Variants in FAM178B observed in about 807,000 individuals in gnomAD.
FAM178B encodes the protein protein FAM178B.
A neutral mutation model predicts 91.7 loss-of-function variants in FAM178B; 82 were observed. The ratio of observed to expected loss-of-function variants is 0.89; its 90% confidence interval spans 0.75 to 1.07. The LOEUF (loss-of-function observed/expected upper bound fraction) is 1.07. Among genes scored for constraint, FAM178B ranks in the 50% least tolerant of loss-of-function variants. FAM178B has a pLI of 0.00. For synonymous variants in FAM178B, 368 were observed against 359.4 expected, an observed-to-expected ratio of 1.02 and a Z score of -0.27; for missense variants, 769 against 846.7, an observed-to-expected ratio of 0.91 and a Z score of 1.14.
intron 14 of FAM178B, among the ~76,000 whole-genome samples, chr2:96,886,248 C>G (rs972747581): frequency 1.3e-5 from 2 of 152,202 alleles, no homozygotes; most frequent in Admixed American, 1.3e-4. Context: ...AGCCCTGACT[C>G]GAGGGGTGAA....
At chr2:96,955,899 G>A (rs2081993064) in intron 6 of FAM178B, among the ~76,000 whole-genome samples, 2 of 152,212 alleles carry the variant, frequency 1.3e-5, no homozygotes, top group Admixed American at 1.3e-4. Flanking sequence ...GGCAAAACAA[G>A]AGGCGGGGCT....
chr2:96,967,688 C>G, intron 4 of FAM178B, 61 bp from the exon 5 acceptor site: 1 of 1,181,220 alleles, frequency 8.5e-7, no homozygotes, highest in Non-Finnish European at 1.2e-6. Context: ...GCAACCCTGT[C>G]ACTGGGCTGC....
At chr2:96,924,811 T>C (rs941870818) in intron 9 of FAM178B, among the ~76,000 whole-genome samples, 1 of 152,204 alleles carries the variant, frequency 6.6e-6, no homozygotes, top group Admixed American at 6.5e-5. Flanking sequence ...ACACTGCTGA[T>C]GACAGCAGGC....
intron 9 of FAM178B, among the ~76,000 whole-genome samples, chr2:96,927,812 A>G (rs2081469448): frequency 6.6e-6 from 1 of 152,200 alleles, no homozygotes; most frequent in African/African-American, 2.4e-5. Context: ...AGGAGGACAC[A>G]GGGACACTCA....
chr2:96,936,357 A>G (rs1394574748), intron 8 of FAM178B, among the ~76,000 whole-genome samples: 2 of 115,354 alleles, frequency 1.7e-5, no homozygotes, highest in Non-Finnish European at 4.6e-5. Flanking sequence ...GCCCGCCACC[A>G]CGCCCGGCTA....
In FAM178B at chr2:96,964,180, T is replaced by C. The variant is rs575427249; in HGVS notation, c.734+3340A>G. On this transcript the variant is annotated intron_variant, in intron 5 of 16. Transcript: ENST00000490605. ...GTGAGACTCCATCTTGGGGGAAAAA[T>C]AAAATAAAAGAGAGAGATGATTATC... Among the ~76,000 whole-genome samples the C allele has an allele frequency of 7.0e-5, 10 of 142,260 alleles. No individual in the cohort carries two copies. The South Asian group carries it at 9.2e-4, about 13-fold the overall frequency. 93.3% of individuals were successfully genotyped at this position (142,260 alleles called of 152,430 possible).
chr2:96,900,220 C>G (rs184157139), intron 13 of FAM178B, among the ~76,000 whole-genome samples: 2 of 152,300 alleles, frequency 1.3e-5, no homozygotes, highest in South Asian at 4.1e-4. Flanking sequence ...TTGTGCTCCC[C>G]CCTGCCTCTA....
At chr2:96,947,709 A>T (rs756844943) in intron 8 of FAM178B, 109 bp downstream of exon 8, 257 of 648,716 alleles carry the variant, frequency 4.0e-4, no homozygotes, top group Non-Finnish European at 5.9e-4. Flanking sequence ...CCCTGGATGC[A>T]ATGTCCCACC....
Position 96,886,641 on chromosome 2 carries a change from G to A in FAM178B, c.1776+7285C>T, listed in dbSNP as rs76434665. ...TTCCAGGATTTGTGTTTGTGTTTCCGTCACTAAAAACTCCTGGCAAAGACA... is the reference window on the plus strand; with the variant it reads ...TTCCAGGATTTGTGTTTGTGTTTCCATCACTAAAAACTCCTGGCAAAGACA... On this transcript the variant is annotated intron_variant, in intron 14 of 16. Coordinates refer to ENST00000490605, the MANE Select transcript of FAM178B (RefSeq NM_001122646.3). Among the ~76,000 whole-genome samples the A allele has an allele frequency of 4.0e-3, 604 of 152,294 alleles. 14 individuals are homozygous for A. The East Asian group carries it at 0.047, about 12-fold the overall frequency.
intron 14 of FAM178B, among the ~76,000 whole-genome samples, chr2:96,887,475 C>A (rs2080555311): frequency 6.6e-6 from 1 of 152,200 alleles, no homozygotes; most frequent in African/African-American, 2.4e-5. Flanking sequence ...TGTAAACAAG[C>A]CACGGGTTGA....
At chr2:96,905,677 C>T (rs897716872) in intron 12 of FAM178B, among the ~76,000 whole-genome samples, 15 of 149,938 alleles carry the variant, frequency 1.0e-4, no homozygotes, top group Non-Finnish European at 4.4e-5. Flanking sequence ...TGGCTCATGC[C>T]TGTAATCCCA....
In FAM178B at chr2:96,986,535, T is replaced by C. The variant is rs2153376829; in HGVS notation, c.-222A>G. 2 of 566,954 alleles carry C rather than the reference T, an allele frequency of 3.5e-6. No individual in the cohort carries two copies. Among genetic ancestry groups the C allele is most frequent in the Non-Finnish European group, 6.0e-6 (2 of 331,488 alleles). The allele number at this position is 566,954 out of a possible 1,614,324, so 35.1% of individuals were successfully genotyped here. A position where few individuals can be genotyped will look rare whatever the true frequency, so the allele number is the denominator to read the frequency against. On this transcript the variant is annotated 5_prime_UTR_variant, in exon 1 of 17. Transcript: ENST00000490605. The stretch of plus-strand genomic sequence containing the variant: ...TCCGACTCCAAACCAAGCGGCCAGC[T>C]CACAGCCGCCGCCGCCGCCAGCTGG...
At chr2:96,922,955 T>G (rs2081368074) in intron 10 of FAM178B, among the ~76,000 whole-genome samples, 1 of 151,786 alleles carries the variant, frequency 6.6e-6, no homozygotes, top group African/African-American at 2.4e-5. Flanking sequence ...ATTACAGGCA[T>G]GAGCCACTGC....
At chr2:96,899,160 C>A (rs1188198994) in intron 13 of FAM178B, among the ~76,000 whole-genome samples, 1 of 152,254 alleles carries the variant, frequency 6.6e-6, no homozygotes, top group Non-Finnish European at 1.5e-5. Flanking sequence ...AGGCCCCTGC[C>A]AGTCCTTCCT....
At chr2:96,939,478 A>G (rs1033628578) in intron 8 of FAM178B, among the ~76,000 whole-genome samples, 1 of 152,238 alleles carries the variant, frequency 6.6e-6, no homozygotes, top group Non-Finnish European at 1.5e-5. Context: ...CCTGGGCGAC[A>G]GAGTGAGACT....
rs532824673 is a variant in FAM178B at position 96,970,508 on chromosome 2, CT to C, written c.626+207del. Among the ~76,000 whole-genome samples the C allele has an allele frequency of 1.4e-4, 21 of 152,238 alleles. No individual in the cohort carries two copies. The East Asian group carries it at 3.9e-3, about 28-fold the overall frequency. On this transcript the variant is annotated intron_variant, in intron 4 of 16. Transcript: ENST00000490605. Reference sequence around the variant, plus strand: ...GGAGAGGGGACCCAGAAGGAGGGCTCTGTTCGTGGTGGGAGTCTGGGGGCTC... The same window carrying C: ...GGAGAGGGGACCCAGAAGGAGGGCTCGTTCGTGGTGGGAGTCTGGGGGCTC...
intron 5 of FAM178B, among the ~76,000 whole-genome samples, chr2:96,964,598 C>G (rs1261834951): frequency 1.3e-5 from 2 of 151,406 alleles, no homozygotes; most frequent in African/African-American, 4.9e-5. Flanking sequence ...TCCCCGCTCC[C>G]TTGGTCACTA....
chr2:96,951,904 C>T (rs184156764), intron 6 of FAM178B: 7 of 165,114 alleles, frequency 4.2e-5, no homozygotes, highest in Admixed American at 1.8e-4. Context: ...ACCTGTAATC[C>T]CAGCTACTCG....
At chr2:96,910,857 C>T (rs1056020177) in intron 12 of FAM178B, among the ~76,000 whole-genome samples, 2 of 148,448 alleles carry the variant, frequency 1.3e-5, no homozygotes, top group African/African-American at 5.0e-5. Flanking sequence ...AGTGCAGTGG[C>T]GTGATCTTGG....
Sources: allele counts gnomAD v4.1 joint callset (sites outside exome capture counted in the v4.1 genomes callset), GRCh38; gene constraint gnomAD v4.1.1; transcripts MANE v1.5; gene names NCBI Gene and HGNC (gene_info 2026-07-23, HGNC 2026-07-21).